SLC30A8: variants seen among roughly 807,000 people sequenced by gnomAD.
SLC30A8 encodes the protein proton-coupled zinc antiporter SLC30A8.
A neutral mutation model predicts 36.9 loss-of-function variants in SLC30A8; 27 were observed. The observed-to-expected ratio is 0.73, with a 90% CI of 0.54 to 1.01. The LOEUF is 1.01. Ranked by LOEUF, SLC30A8 falls within the 50% of genes least tolerant of loss-of-function variation. SLC30A8 has a pLI of 0.00. For missense variants in SLC30A8, 439 were observed against 452.0 expected (o/e 0.97, Z 0.26); for synonymous variants, 164 against 172.4 (o/e 0.95, Z 0.38).
chr8:117,122,007 G>A (rs1820714476), intron 2 of SLC30A8, among the ~76,000 whole-genome samples: 1 of 151,896 alleles, frequency 6.6e-6, no homozygotes. Context: ...CATATAAAAT[G>A]TAGTTTGTCA....
chr8:117,139,015 A>G (rs1425690943), intron 1 of SLC30A8, among the ~76,000 whole-genome samples: 4 of 152,084 alleles, frequency 2.6e-5, no homozygotes, highest in Non-Finnish European at 5.9e-5. Context: ...CTGGTGGACA[A>G]TTAAGAGTAG....
intron 2 of SLC30A8, among the ~76,000 whole-genome samples, chr8:117,066,409 G>A (rs999414166): frequency 1.3e-5 from 2 of 152,110 alleles, no homozygotes; most frequent in Non-Finnish European, 2.9e-5. Context: ...TTGGAGTCAG[G>A]GCCCTGGTGA....
chr8:117,161,818 T>C lies in SLC30A8; in HGVS notation c.653T>C (p.Phe218Ser), dbSNP rs1397027939. The change falls in exon 5 of 8, where the codon TTT (phenylalanine) becomes TCT (serine). Residue 218 changes from phenylalanine (F) to serine (S), a missense_variant. Coordinates refer to ENST00000456015, the MANE Select transcript of SLC30A8 (RefSeq NM_173851.3). ...GCCAATGCCAGCGTCAGAGCTGCTT[T>C]TGTGCATGCCCTTGGAGATCTATTT... is the stretch of plus-strand genomic sequence containing the variant. ...VQANASVRAAFVHALGDLFQS... is the reference protein window; with the variant it reads ...VQANASVRAASVHALGDLFQS... 6 of 1,614,026 alleles carry C rather than the reference T, an allele frequency of 3.7e-6. No homozygotes were observed. Among genetic ancestry groups the C allele is most frequent in the Non-Finnish European group, 5.1e-6 (6 of 1,179,926 alleles).
At chr8:117,122,519 T>A (rs999234450) in intron 2 of SLC30A8, among the ~76,000 whole-genome samples, 7 of 151,996 alleles carry the variant, frequency 4.6e-5, no homozygotes, top group African/African-American at 1.4e-4. Flanking sequence ...CCATCCAACT[T>A]TTCCCTCTCC....
intron 2 of SLC30A8, among the ~76,000 whole-genome samples, chr8:117,076,946 A>G (rs534418932): frequency 1.3e-5 from 2 of 152,338 alleles, no homozygotes; most frequent in Non-Finnish European, 2.9e-5. Flanking sequence ...AAAGAAGACA[A>G]GATCTCTTGT....
chr8:117,170,845 T>C (rs1461684286), intron 6 of SLC30A8, among the ~76,000 whole-genome samples, 189 bp from the exon 7 acceptor site: 2 of 152,108 alleles, frequency 1.3e-5, no homozygotes, highest in Non-Finnish European at 2.9e-5. Context: ...GTATTCTGAG[T>C]GGGAAATTTT....
At chr8:117,127,995 C>A (rs1586559163) in intron 2 of SLC30A8, among the ~76,000 whole-genome samples, 1 of 152,048 alleles carries the variant, frequency 6.6e-6, no homozygotes, top group East Asian at 1.9e-4. Context: ...GAAGTTACAT[C>A]TGTCTAAATT....
chr8:117,063,579 T>C (rs1337169038), intron 2 of SLC30A8, among the ~76,000 whole-genome samples: 2 of 152,212 alleles, frequency 1.3e-5, no homozygotes, highest in African/African-American at 2.4e-5. Context: ...TTGGAAATAT[T>C]ATAACCTAGG....
intron 1 of SLC30A8, among the ~76,000 whole-genome samples, chr8:116,983,617 A>G (rs1815347200): frequency 6.6e-6 from 1 of 152,108 alleles, no homozygotes; most frequent in African/African-American, 2.4e-5. Context: ...CTGTTTAATA[A>G]TATGATTGGA....
rs763124440 is a variant in SLC30A8, at chr8:117,163,425, C to G, written c.724C>G (p.Pro242Ala). ...CCAAAATCCCTGTTTTTTTTTCTAGCCAGAGTATAAAATAGCCGACCCAAT... is the reference window on the plus strand; with the variant it reads ...CCAAAATCCCTGTTTTTTTTTCTAGGCAGAGTATAAAATAGCCGACCCAAT... ...LISALIIYFKPEYKIADPICT... is the reference protein window; with the variant it reads ...LISALIIYFKAEYKIADPICT... The change falls in exon 6 of 8, where the codon CCA becomes GCA. Residue 242 changes from proline to alanine, a missense_variant and splice_region_variant. By Grantham distance (27) the Pro-to-Ala change is conservative. Coordinates refer to ENST00000456015, the MANE Select transcript of SLC30A8 (RefSeq NM_173851.3). The G allele has an allele frequency of 4.4e-6, 7 of 1,606,500 alleles. No homozygotes were observed. Among genetic ancestry groups the G allele is most frequent in the African/African-American group, 1.3e-5 (1 of 74,286 alleles).
At chr8:117,097,408 A>ATATATATATATATATATAT (rs1289257794) in intron 2 of SLC30A8, among the ~76,000 whole-genome samples, 3 of 123,082 alleles carry the variant, frequency 2.4e-5, no homozygotes, top group African/African-American at 6.6e-5. Context: ...AAAAAAAAAA[A>ATATATATATATATATATAT]AAAAAAAAAA....
intron 2 of SLC30A8, among the ~76,000 whole-genome samples, chr8:117,120,977 C>T (rs1295818113): frequency 6.6e-6 from 1 of 151,686 alleles, no homozygotes; most frequent in Non-Finnish European, 1.5e-5. Context: ...AACAAACACA[C>T]ACACAAACAA....
rs549303949 is a variant in SLC30A8, at chr8:117,014,622, A to G, written c.-265-24597A>G. On this transcript the variant is annotated intron_variant, in intron 1 of 10. Coordinates refer to the SLC30A8 transcript ENST00000427715. ...AAAACAAGTACGTAGTGTTACTGAA[A>G]TGGATCCAGTTTTAACTTACTGATG... 3.9e-5 allele frequency among the ~76,000 whole-genome samples: 6 copies of G among 152,256 alleles called. 1 individual carries two copies. The highest frequency in any genetic ancestry group is 1.4e-4 in the African/African-American group (6 of 41,558).
At chr8:117,097,410 A>ATATATATATATAT (rs1563593753) in intron 2 of SLC30A8, among the ~76,000 whole-genome samples, 8 of 122,734 alleles carry the variant, frequency 6.5e-5, no homozygotes, top group African/African-American at 2.3e-4. Flanking sequence ...AAAAAAAAAA[A>ATATATATATATAT]AAAAAAAAAT....
intron 2 of SLC30A8, among the ~76,000 whole-genome samples, chr8:117,097,054 G>A (rs934109842): frequency 6.6e-6 from 1 of 151,990 alleles, no homozygotes; most frequent in Non-Finnish European, 1.5e-5. Context: ...GGAGTGTGCA[G>A]ACTGGAAGAG....
rs186782954 is a variant in SLC30A8 at position 117,041,354 on chromosome 8, G to A, written c.-226+2096G>A. On this transcript the variant is annotated intron_variant, in intron 2 of 10. Transcript: ENST00000427715. ...TCATCACCTTGGCAGGTTGAAAAAGGAATTTGTATGTGACAGATTCTAGAA... is the reference window on the plus strand; with the variant it reads ...TCATCACCTTGGCAGGTTGAAAAAGAAATTTGTATGTGACAGATTCTAGAA... Among the ~76,000 whole-genome samples the A allele has an allele frequency of 1.4e-4, 21 of 152,278 alleles. No homozygotes were observed. The East Asian group carries it at 4.1e-3, about 29-fold the overall frequency.
chr8:116,974,839 A>G (rs936630891), intron 1 of SLC30A8, among the ~76,000 whole-genome samples: 2 of 152,122 alleles, frequency 1.3e-5, no homozygotes, highest in African/African-American at 2.4e-5. Context: ...GATATACTCC[A>G]TGGTATACTA....
At chr8:117,139,393 G>A (rs952023705) in intron 1 of SLC30A8, among the ~76,000 whole-genome samples, 2 of 152,056 alleles carry the variant, frequency 1.3e-5, no homozygotes, top group Non-Finnish European at 2.9e-5. Flanking sequence ...AAGACCACGC[G>A]AGGAAGTAAC....
intron 1 of SLC30A8, chr8:117,018,257 A>ATAC (rs1816585511): frequency 1.5e-5 from 2 of 136,990 alleles, no homozygotes; most frequent in Non-Finnish European, 3.4e-5. Context: ...CTTATAAATA[A>ATAC]ATACATACAT....
Sources: allele counts gnomAD v4.1 joint callset (sites outside exome capture counted in the v4.1 genomes callset), GRCh38; gene constraint gnomAD v4.1.1; transcripts MANE v1.5; gene names NCBI Gene and HGNC (gene_info 2026-07-23, HGNC 2026-07-21).